Variants in CPEB3 observed in about 807,000 individuals in gnomAD.
The protein encoded by CPEB3 is cytoplasmic polyadenylation element binding protein 3.
A neutral mutation model predicts 67.2 loss-of-function variants in CPEB3; 20 were observed. The observed-to-expected ratio is 0.30, with a 90% confidence interval of 0.21 to 0.43. The LOEUF is 0.43. Among genes scored for constraint, CPEB3 ranks in the 20% least tolerant of loss-of-function variants. The pLI, the probability that CPEB3 is intolerant of heterozygous loss-of-function variation, is 1.00. For synonymous variants in CPEB3, 376 were observed against 393.1 expected (o/e 0.96, Z 0.51); for missense variants, 746 against 968.6 (o/e 0.77, Z 3.05).
intron 7 of CPEB3, among the ~76,000 whole-genome samples, chr10:92,097,248 T>G (rs935936511): frequency 2.0e-5 from 3 of 152,240 alleles, no homozygotes; most frequent in Non-Finnish European, 4.4e-5. Flanking sequence ...AAATAGGAAC[T>G]AATTCAAATG....
chr10:92,153,607 C>T (rs1319882537), intron 4 of CPEB3, among the ~76,000 whole-genome samples: 1 of 152,010 alleles, frequency 6.6e-6, no homozygotes, highest in African/African-American at 2.4e-5. Flanking sequence ...ATGGAGAAAC[C>T]CCATCTCTAC....
intron 2 of CPEB3, among the ~76,000 whole-genome samples, chr10:92,235,557 C>G (rs1335867943): frequency 6.6e-6 from 1 of 152,184 alleles, no homozygotes; most frequent in South Asian, 2.1e-4. Context: ...TACTATGGGC[C>G]AGGCACTGTG....
At chr10:92,093,327 T>C (rs948528913) in intron 7 of CPEB3, among the ~76,000 whole-genome samples, 4 of 152,186 alleles carry the variant, frequency 2.6e-5, no homozygotes, top group African/African-American at 9.7e-5. Flanking sequence ...AATTGTTCAT[T>C]TCCCCCTTGC....
intron 9 of CPEB3, among the ~76,000 whole-genome samples, chr10:92,060,639 T>A (rs560064648): frequency 1.3e-5 from 2 of 152,250 alleles, no homozygotes; most frequent in Admixed American, 6.5e-5. Context: ...ATAACCAGAA[T>A]ATGTAAGGAG....
At chr10:92,073,618 A>AT (rs1382098313) in intron 9 of CPEB3, among the ~76,000 whole-genome samples, 7 of 150,954 alleles carry the variant, frequency 4.6e-5, no homozygotes, top group South Asian at 2.1e-4. Flanking sequence ...TAAAAAAAAA[A>AT]TTTTTTTTTG....
chr10:92,221,158 T>C (rs1850680460), intron 2 of CPEB3, among the ~76,000 whole-genome samples: 1 of 152,240 alleles, frequency 6.6e-6, no homozygotes. Flanking sequence ...TTCTGAGTTA[T>C]AACTCCTGTA....
intron 5 of CPEB3, among the ~76,000 whole-genome samples, chr10:92,144,595 G>C (rs565563629): frequency 1.3e-5 from 2 of 152,256 alleles, no homozygotes; most frequent in African/African-American, 4.8e-5. Flanking sequence ...AGATGGTTTG[G>C]TGTGATGCAC....
In CPEB3 at chr10:92,137,128, T is replaced by C. The variant is rs139925352; in HGVS notation, c.1453+5901A>G. Reference sequence around the variant, plus strand: ...CACTTTTGCCATATCAATTCTGCAGTAGATTGAATTAGATCTAAAGGCTAC... The same window carrying C: ...CACTTTTGCCATATCAATTCTGCAGCAGATTGAATTAGATCTAAAGGCTAC... On this transcript the variant is annotated intron_variant, in intron 6 of 9. Coordinates refer to ENST00000265997, the MANE Select transcript of CPEB3 (RefSeq NM_014912.5). 493 of 316,210 alleles carry C rather than the reference T, an allele frequency of 1.6e-3. 2 individuals are homozygous for C. The highest frequency in any genetic ancestry group is 0.01 in the African/African-American group (461 of 45,542). 19.6% of individuals were successfully genotyped at this position (316,210 alleles called of 1,614,324 possible).
At chr10:92,122,725 A>G (rs1590189940) in intron 6 of CPEB3, among the ~76,000 whole-genome samples, 1 of 152,366 alleles carries the variant, frequency 6.6e-6, no homozygotes, top group East Asian at 1.9e-4. Context: ...GATCACTTTC[A>G]GAGAAGACAT....
At chr10:92,105,348 CAATTT>C (rs1210622625) in intron 7 of CPEB3, among the ~76,000 whole-genome samples, 1 of 152,190 alleles carries the variant, frequency 6.6e-6, no homozygotes, top group Non-Finnish European at 1.5e-5. Flanking sequence ...CTATTTTGCC[CAATTT>C]AATTTCTCTC....
chr10:92,126,001 G>A (rs1845595550), intron 6 of CPEB3, among the ~76,000 whole-genome samples: 2 of 152,082 alleles, frequency 1.3e-5, no homozygotes, highest in Admixed American at 1.3e-4. Flanking sequence ...TTAGATTACA[G>A]GCATGAACCA....
chr10:92,133,033 T>A (rs540221062), intron 6 of CPEB3, among the ~76,000 whole-genome samples: 7 of 152,212 alleles, frequency 4.6e-5, no homozygotes, highest in African/African-American at 1.7e-4. Context: ...TAGAGGGAAA[T>A]TTGTAGCACT....
intron 4 of CPEB3, among the ~76,000 whole-genome samples, chr10:92,148,078 C>A (rs987952153): frequency 2.0e-5 from 3 of 152,124 alleles, no homozygotes; most frequent in African/African-American, 7.2e-5. Flanking sequence ...CACAAAACAG[C>A]CAAAGGTACC....
rs1449332387 is a variant in CPEB3, at chr10:92,050,563, A to G, written c.*1649T>C. On this transcript the variant is annotated 3_prime_UTR_variant, in exon 10 of 10. Coordinates refer to ENST00000265997, the MANE Select transcript of CPEB3 (RefSeq NM_014912.5). ...CTGCAGCCCAAGGGTGAATGCTAGA[A>G]AAATGTCCACGCTAGTGCTAGCAGG... 1 of 152,372 alleles carries G rather than the reference A, an allele frequency of 6.6e-6. No homozygotes were observed. The highest frequency in any genetic ancestry group is 2.4e-5 in the African/African-American group (1 of 41,456). 9.4% of individuals were successfully genotyped at this position (152,372 alleles called of 1,614,324 possible).
At chr10:92,076,282 G>T (rs1842929918) in intron 9 of CPEB3, 1 of 152,218 alleles carries the variant, frequency 6.6e-6, no homozygotes, top group Non-Finnish European at 1.5e-5. Flanking sequence ...GAAGGAAGGA[G>T]ATGAATGCTA....
Position 92,049,661 on chromosome 10 carries a change from T to A in CPEB3, c.*2551A>T, listed in dbSNP as rs959114063. 6.6e-6 allele frequency: 1 copy of A among 152,658 alleles called. No individual in the cohort carries two copies. Among genetic ancestry groups the A allele is most frequent in the South Asian group, 2.1e-4 (1 of 4,832 alleles). 9.5% of individuals were successfully genotyped at this position (152,658 alleles called of 1,614,324 possible). A position where few individuals can be genotyped will look rare whatever the true frequency, so the allele number is the denominator to read the frequency against. ...AACTTTCAGCACCAAATGGAGTTTATTTTTTGTAACCTATTCTTCAGGACA... is the reference window on the plus strand; with the variant it reads ...AACTTTCAGCACCAAATGGAGTTTAATTTTTGTAACCTATTCTTCAGGACA... On this transcript the variant is annotated 3_prime_UTR_variant, in exon 10 of 10. Coordinates refer to ENST00000265997, the MANE Select transcript of CPEB3 (RefSeq NM_014912.5).
intron 7 of CPEB3, among the ~76,000 whole-genome samples, chr10:92,103,039 G>A (rs1360453165): frequency 6.6e-6 from 1 of 152,180 alleles, no homozygotes; most frequent in Admixed American, 6.5e-5. Context: ...ATGTTTTCCT[G>A]AGGTGCTGAC....
rs181113334 is a variant in CPEB3, at chr10:92,076,951, T to C, written c.1869+4369A>G. ...GACTGTGGCACCTTGGAATCTGTAATAGCAAGGAAAAGGGACTGTTTACAC... is the reference window on the plus strand; with the variant it reads ...GACTGTGGCACCTTGGAATCTGTAACAGCAAGGAAAAGGGACTGTTTACAC... On this transcript the variant is annotated intron_variant, in intron 9 of 9. Transcript: ENST00000265997. Among the ~76,000 whole-genome samples, 432 of 151,960 alleles carry C rather than the reference T, an allele frequency of 2.8e-3. 5 individuals carry two copies. Among genetic ancestry groups the C allele is most frequent in the Admixed American group, 0.023 (347 of 15,258 alleles).
At chr10:92,105,447 A>G (rs7079499) in intron 7 of CPEB3, among the ~76,000 whole-genome samples, 52,693 of 151,868 alleles carry the variant, frequency 0.35, 9,356 homozygotes, top group Admixed American at 0.39. Flanking sequence ...TTTTGTGTTC[A>G]TGTTTTTGCC....
Sources: allele counts gnomAD v4.1 joint callset (sites outside exome capture counted in the v4.1 genomes callset), GRCh38; gene constraint gnomAD v4.1.1; transcripts MANE v1.5; gene names NCBI Gene and HGNC (gene_info 2026-07-23, HGNC 2026-07-21).